PAX5: variants seen among roughly 807,000 people sequenced by gnomAD.
The protein encoded by PAX5 is paired box 5, also known as paired box protein Pax-5.
PAX5 carries 9 observed loss-of-function variants against 43.7 expected under a neutral mutation model. The ratio of observed to expected loss-of-function variants is 0.21; its 90% CI spans 0.12 to 0.36. The LOEUF is 0.36. PAX5 is among the 10% of genes least tolerant of loss of function. The pLI, the probability that PAX5 is intolerant of heterozygous loss-of-function variation, is 1.00. For synonymous variants in PAX5, 228 were observed against 214.3 expected (o/e 1.06, Z -0.56); for missense variants, 383 against 532.7 (o/e 0.72, Z 2.77).
At chr9:37,030,894 G>T (rs1005007893) in intron 1 of PAX5, among the ~76,000 whole-genome samples, 1 of 152,210 alleles carries the variant, frequency 6.6e-6, no homozygotes, top group Non-Finnish European at 1.5e-5. Context: ...GGCCCAATAG[G>T]GCTCAGACTG....
chr9:37,031,067 A>G (rs1840933156), intron 1 of PAX5, among the ~76,000 whole-genome samples: 1 of 152,284 alleles, frequency 6.6e-6, no homozygotes, highest in Non-Finnish European at 1.5e-5. Context: ...AGATTCCTGC[A>G]TGATTCCTGC....
intron 9 of PAX5, among the ~76,000 whole-genome samples, chr9:36,844,310 G>A (rs1411047701): frequency 6.6e-6 from 1 of 152,150 alleles, no homozygotes; most frequent in Non-Finnish European, 1.5e-5. Context: ...CCAGAAATAG[G>A]CTCTGGTGTC....
chr9:36,944,285 T>C (rs780790305), intron 6 of PAX5, among the ~76,000 whole-genome samples: 12 of 152,178 alleles, frequency 7.9e-5, no homozygotes, highest in Non-Finnish European at 1.2e-4. Context: ...AGGGACCTCA[T>C]TGAAACCTCT....
At chr9:36,980,779 A>T (rs1457958167) in intron 5 of PAX5, among the ~76,000 whole-genome samples, 2 of 152,068 alleles carry the variant, frequency 1.3e-5, no homozygotes, top group Non-Finnish European at 2.9e-5. Context: ...TTAGGAGAGA[A>T]GGTATGCTGG....
chr9:36,874,594 C>T lies in PAX5; in HGVS notation c.1012+7410G>A, dbSNP rs531496728. 2.6e-5 allele frequency among the ~76,000 whole-genome samples: 4 copies of T among 152,354 alleles called. No individual in the cohort carries two copies. The South Asian group carries it at 8.3e-4, about 32-fold the overall frequency. ...AGCACACATGGTTCCCAGCCCAGCT[C>T]CAGGGCCACCTTTGCCAGAATGCCT... On this transcript the variant is annotated intron_variant, in intron 8 of 9. Transcript: ENST00000358127.
At chr9:36,945,858 C>A (rs866655286) in intron 6 of PAX5, among the ~76,000 whole-genome samples, 17 of 152,230 alleles carry the variant, frequency 1.1e-4, no homozygotes, top group Middle Eastern at 3.2e-3. Flanking sequence ...GTCTCCGCCT[C>A]ACAGGGCTGT....
chr9:36,995,370 G>T (rs1425440399), intron 5 of PAX5, among the ~76,000 whole-genome samples: 5 of 152,224 alleles, frequency 3.3e-5, no homozygotes, highest in Non-Finnish European at 5.9e-5. Context: ...GGGAAGCTGA[G>T]CCAACACACA....
intron 2 of PAX5, among the ~76,000 whole-genome samples, chr9:37,020,321 G>A (rs937583184): frequency 6.6e-6 from 1 of 152,116 alleles, no homozygotes; most frequent in East Asian, 1.9e-4. Flanking sequence ...CCTACGCGGG[G>A]ACCCAGGCTC....
chr9:36,958,600 G>A (rs1020059943), intron 6 of PAX5, among the ~76,000 whole-genome samples: 5 of 152,086 alleles, frequency 3.3e-5, no homozygotes, highest in Admixed American at 2.6e-4. Context: ...CAGGGGTACA[G>A]CAACGTCGCT....
In PAX5 at chr9:36,903,935, G is replaced by A. The variant is rs916193769; in HGVS notation, c.910+19420C>T. On this transcript the variant is annotated intron_variant, in intron 7 of 9. Coordinates refer to ENST00000358127, the MANE Select transcript of PAX5 (RefSeq NM_016734.3). ...TGACTCACCAGGCTTTATGAGAATAGTGTGGCTTAGAGGTCAAGTGTGTGG... is the reference window on the plus strand; with the variant it reads ...TGACTCACCAGGCTTTATGAGAATAATGTGGCTTAGAGGTCAAGTGTGTGG... Among the ~76,000 whole-genome samples, 7 of 152,350 alleles carry A rather than the reference G, an allele frequency of 4.6e-5. No homozygotes were observed. In the East Asian group the frequency reaches 5.8e-4, roughly 13 times the overall value.
intron 1 of PAX5, among the ~76,000 whole-genome samples, chr9:37,027,211 T>C (rs1840476891): frequency 6.6e-6 from 1 of 152,070 alleles, no homozygotes; most frequent in African/African-American, 2.4e-5. Flanking sequence ...CAGCGCGGGG[T>C]CCTGGCGGGT....
At chr9:36,895,254 C>G (rs955516081) in intron 7 of PAX5, among the ~76,000 whole-genome samples, 2 of 152,210 alleles carry the variant, frequency 1.3e-5, no homozygotes, top group African/African-American at 4.8e-5. Context: ...CTGTGTGTGC[C>G]GCCGAATCCG....
intron 9 of PAX5, among the ~76,000 whole-genome samples, chr9:36,842,686 C>T (rs898774457): frequency 1.3e-5 from 2 of 152,156 alleles, no homozygotes; most frequent in Admixed American, 6.5e-5. Context: ...ACAGTCATTC[C>T]CGGTTCTGCT....
In PAX5 at chr9:36,833,872, T is replaced by TA; in HGVS notation, c.*6687_*6688insT. 1 of 61,282 alleles carries TA rather than the reference T, an allele frequency of 1.6e-5. No individual in the cohort carries two copies. Among genetic ancestry groups the TA allele is most frequent in the East Asian group, 1.1e-4 (1 of 8,728 alleles). 3.8% of individuals were successfully genotyped at this position (61,282 alleles called of 1,614,324 possible). A position where few individuals can be genotyped will look rare whatever the true frequency, so the allele number is the denominator to read the frequency against. On this transcript the variant is annotated 3_prime_UTR_variant, in exon 10 of 10. Coordinates refer to ENST00000358127, the MANE Select transcript of PAX5 (RefSeq NM_016734.3). ...GTTGGTTTTTTTGTATTTTTTTGTA[T>TA]TTTTTTTTTTTTACAAGTAAGCGTC... is the stretch of plus-strand genomic sequence containing the variant.
chr9:36,874,143 C>T (rs150039997), intron 8 of PAX5, among the ~76,000 whole-genome samples: 210 of 152,316 alleles, frequency 1.4e-3, no homozygotes, highest in African/African-American at 4.5e-3. Context: ...TCCTATCTCA[C>T]ACAGGCGGTG....
rs753641430 is a variant in PAX5, at chr9:37,002,694, G to A, written c.558C>T (p.Gly186=). 6.8e-6 allele frequency: 11 copies of A among 1,611,256 alleles called. No individual in the cohort carries two copies. In the East Asian group the frequency reaches 8.9e-5, roughly 13 times the overall value. Residue 186 remains glycine, a synonymous_variant, in exon 5 of 10, where the codon GGC becomes GGT. Coordinates refer to ENST00000358127, the MANE Select transcript of PAX5 (RefSeq NM_016734.3). The part of the protein sequence containing the change: ...GSSYSISGIL[G]ITSPSADTNK... ...TGGTGTCGGCGCTGGGGGACGTGAT[G>A]CCCAGGATGCCGCTGATGGAGTACG...
At chr9:36,954,601 ATGT>A (rs1246033909) in intron 6 of PAX5, among the ~76,000 whole-genome samples, 1 of 152,182 alleles carries the variant, frequency 6.6e-6, no homozygotes, top group Non-Finnish European at 1.5e-5. Flanking sequence ...GTCAGTCTAA[ATGT>A]TGTACTTTCT....
At chr9:36,940,056 G>T (rs779003308) in intron 6 of PAX5, among the ~76,000 whole-genome samples, 5 of 152,226 alleles carry the variant, frequency 3.3e-5, no homozygotes, top group Non-Finnish European at 5.9e-5. Context: ...TTAATTTATT[G>T]CCCGGCGCTG....
chr9:36,846,915 C>T lies in PAX5; in HGVS notation c.1027G>A (p.Gly343Arg), dbSNP rs139738432. The change falls in exon 9 of 10, where the codon GGG (glycine) becomes AGG (arginine). Residue 343 changes from glycine (G) to arginine (R), a missense_variant. By Grantham distance (125) the Gly-to-Arg change is moderately radical. Transcript: ENST00000358127. ...TACTGAGGGTGGCTGTAGGGACTCC[C>T]GGAAAACTCACTCCCTGTGTATGGT... ...TGMVPGSEFS[G>R]SPYSHPQYSS... 193 of 1,613,172 alleles carry T rather than the reference C, an allele frequency of 1.2e-4. No individual in the cohort carries two copies. Among genetic ancestry groups the T allele is most frequent in the Non-Finnish European group, 1.5e-4 (178 of 1,179,268 alleles).
Sources: gnomAD v4.1 joint callset for allele counts (sites outside exome capture counted in the v4.1 genomes callset) on GRCh38, gnomAD v4.1.1 for gene constraint, MANE v1.5 for transcripts, NCBI Gene and HGNC (gene_info 2026-07-23, HGNC 2026-07-21) for gene names.